The following TPRG1 variants were observed in gnomAD, a reference collection of about 807,000 sequenced individuals.
TPRG1 encodes tumor protein p63 regulated 1.
A neutral mutation model predicts 29.3 loss-of-function variants in TPRG1; 29 were observed. That is an observed-to-expected ratio of 0.99 (90% confidence interval 0.74 to 1.35). TPRG1 has a LOEUF of 1.35. TPRG1 is among the 40% of genes most tolerant of loss of function. The pLI, the probability that TPRG1 is intolerant of heterozygous loss-of-function variation, is 0.00. For missense variants in TPRG1, 327 were observed against 335.0 expected, an observed-to-expected ratio of 0.98 and a Z score of 0.19; for synonymous variants, 130 against 116.8, an observed-to-expected ratio of 1.11 and a Z score of -0.73.
At chr3:189,022,797 C>T (rs1009815976) in intron 3 of TPRG1, among the ~76,000 whole-genome samples, 3 of 152,164 alleles carry the variant, frequency 2.0e-5, no homozygotes, top group South Asian at 2.1e-4. Context: ...CTAATCAAGC[C>T]GGGGCAATGG....
Position 189,238,812 on chromosome 3 carries a change from A to C in TPRG1, c.382A>C (p.Ile128Leu). 6.2e-7 allele frequency: 1 copy of C among 1,613,822 alleles called. No homozygotes were observed. The highest frequency in any genetic ancestry group is 1.1e-5 in the South Asian group (1 of 91,078). The change falls in exon 4 of 6, where the codon ATC becomes CTC. Residue 128 changes from isoleucine to leucine, a missense_variant. By Grantham distance (5) the Ile-to-Leu change is conservative (BLOSUM62 2). Coordinates refer to ENST00000345063, the MANE Select transcript of TPRG1 (RefSeq NM_198485.4). ...KTLLICKYDF[I>L]MLSCVQLQRI... ...TCTCTTGATCTGCAAATACGACTTC[A>C]TCATGCTGAGTTGTGTGCAGCTGCA... is the stretch of plus-strand genomic sequence containing the variant.
intron 1 of TPRG1, among the ~76,000 whole-genome samples, chr3:189,116,992 C>A (rs1036120331): frequency 6.6e-6 from 1 of 152,128 alleles, no homozygotes; most frequent in South Asian, 2.1e-4. Context: ...AAAATTTTCT[C>A]AAAGAGAAGT....
chr3:189,004,629 A>G (rs1712193007), exon 3 of TPRG1: 1 of 152,200 alleles, frequency 6.6e-6, no homozygotes, highest in Non-Finnish European at 1.5e-5. Context: ...GAATGACTGC[A>G]TGGAGCAGAA....
intron 2 of TPRG1, among the ~76,000 whole-genome samples, chr3:189,128,378 T>A (rs932154757): frequency 1.3e-5 from 2 of 152,162 alleles, no homozygotes; most frequent in East Asian, 3.9e-4. Context: ...GGTAGGTTTA[T>A]CAGATTTAGG....
chr3:189,212,155 G>C (rs1409307561), intron 2 of TPRG1: 1 of 151,994 alleles, frequency 6.6e-6, no homozygotes, highest in African/African-American at 2.4e-5. Context: ...ATTTGGGATG[G>C]GGAATTATCT....
At chr3:189,302,768 ATAAC>A (rs1258464267) in intron 4 of TPRG1, among the ~76,000 whole-genome samples, 1 of 152,228 alleles carries the variant, frequency 6.6e-6, no homozygotes, top group East Asian at 1.9e-4. Flanking sequence ...GCTTTTTCTA[ATAAC>A]TTGTTGCATT....
chr3:189,069,213 C>A (rs533747667), intron 4 of TPRG1, among the ~76,000 whole-genome samples: 11 of 152,086 alleles, frequency 7.2e-5, no homozygotes, highest in Non-Finnish European at 1.0e-4. Flanking sequence ...CTGGATAAAT[C>A]TTAAGAGAAT....
At chr3:189,225,306 TA>T (rs1238911357) in intron 3 of TPRG1, among the ~76,000 whole-genome samples, 1 of 152,226 alleles carries the variant, frequency 6.6e-6, no homozygotes, top group Non-Finnish European at 1.5e-5. Context: ...TATACCAAGG[TA>T]ATAAAGTCAG....
intron 4 of TPRG1, among the ~76,000 whole-genome samples, chr3:189,078,158 A>G (rs1231490195): frequency 3.5e-5 from 2 of 57,552 alleles, no homozygotes; most frequent in Non-Finnish European, 7.3e-5. Flanking sequence ...TTTTTTTTAG[A>G]TGAAGTTTTG....
At chr3:189,227,528 A>C (rs889108197) in intron 3 of TPRG1, among the ~76,000 whole-genome samples, 63 of 152,108 alleles carry the variant, frequency 4.1e-4, no homozygotes, top group African/African-American at 1.4e-3. Context: ...TAGCCTTGAG[A>C]TTGACGCAAT....
At chr3:189,078,450 T>C (rs540971684) in intron 4 of TPRG1, among the ~76,000 whole-genome samples, 1 of 152,262 alleles carries the variant, frequency 6.6e-6, no homozygotes, top group East Asian at 1.9e-4. Flanking sequence ...AACCCTTTTC[T>C]TAAAAATGTG....
At chr3:189,284,350 C>T (rs1209010587) in intron 4 of TPRG1, among the ~76,000 whole-genome samples, 7 of 119,678 alleles carry the variant, frequency 5.8e-5, no homozygotes, top group Admixed American at 8.8e-5. Flanking sequence ...ATCCCTCCCC[C>T]CCCCTCCCCC....
chr3:189,050,167 A>G (rs1715225886), intron 4 of TPRG1, among the ~76,000 whole-genome samples: 1 of 152,224 alleles, frequency 6.6e-6, no homozygotes, highest in Admixed American at 6.5e-5. Context: ...TGAAAAGAGA[A>G]ATAAAATTGA....
chr3:189,024,122 G>A (rs1201783560), intron 4 of TPRG1, among the ~76,000 whole-genome samples: 1 of 152,240 alleles, frequency 6.6e-6, no homozygotes, highest in Non-Finnish European at 1.5e-5. Flanking sequence ...CAAAGGTGGT[G>A]GCCCACCCTG....
At chr3:189,288,828 C>T (rs978338764) in intron 4 of TPRG1, among the ~76,000 whole-genome samples, 2 of 152,244 alleles carry the variant, frequency 1.3e-5, no homozygotes, top group African/African-American at 4.8e-5. Context: ...TATCGCAAAC[C>T]ACTGATTTGT....
chr3:189,229,936 AT>A (rs2108900234), intron 3 of TPRG1, among the ~76,000 whole-genome samples: 1 of 152,334 alleles, frequency 6.6e-6, no homozygotes, highest in East Asian at 1.9e-4. Flanking sequence ...AGGTGGCAAG[AT>A]GTGTACATTT....
intron 4 of TPRG1, among the ~76,000 whole-genome samples, chr3:189,299,706 T>A (rs1720536934): frequency 6.6e-6 from 1 of 151,742 alleles, no homozygotes; most frequent in Non-Finnish European, 1.5e-5. Context: ...AAAATGGATA[T>A]CATGGGGGCC....
chr3:189,099,797 C>T (rs901706233), upstream of TPRG1, among the ~76,000 whole-genome samples: 3 of 152,164 alleles, frequency 2.0e-5, no homozygotes, highest in Admixed American at 6.5e-5. Flanking sequence ...CTGTCCCTTT[C>T]CATCCTGCTG....
chr3:189,264,472 C>A lies in TPRG1; in HGVS notation c.479+25563C>A, dbSNP rs186608480. Among the ~76,000 whole-genome samples the A allele has an allele frequency of 5.2e-3, 788 of 152,204 alleles. 3 individuals carry two copies. Among genetic ancestry groups the A allele is most frequent in the Non-Finnish European group, 9.0e-3 (615 of 68,008 alleles). Reference sequence around the variant, plus strand: ...ATTCTTTTTCTTTCTCCTTTTTGTTCTCCTCCTACTCTTTTCCTTAGTTCA... The same window carrying A: ...ATTCTTTTTCTTTCTCCTTTTTGTTATCCTCCTACTCTTTTCCTTAGTTCA... On this transcript the variant is annotated intron_variant, in intron 4 of 5. Coordinates refer to ENST00000345063, the MANE Select transcript of TPRG1 (RefSeq NM_198485.4).
Sources: allele counts gnomAD v4.1 joint callset (sites outside exome capture counted in the v4.1 genomes callset), GRCh38; gene constraint gnomAD v4.1.1; transcripts MANE v1.5; gene names NCBI Gene and HGNC (gene_info 2026-07-23, HGNC 2026-07-21).